HNRNPR: variants seen among roughly 807,000 people sequenced by gnomAD.
HNRNPR encodes heterogeneous nuclear ribonucleoprotein R.
In HNRNPR, 4 loss-of-function variants were observed where a neutral mutation model predicts 70.3. The observed-to-expected ratio is 0.06, with a 90% CI of 0.03 to 0.13. The LOEUF (loss-of-function observed/expected upper bound fraction) is 0.13. Ranked by LOEUF, HNRNPR falls within the 10% of genes least tolerant of loss-of-function variation. HNRNPR has a pLI of 1.00. For missense variants in HNRNPR, 423 were observed against 788.5 expected, an observed-to-expected ratio of 0.54 and a Z score of 5.55; for synonymous variants, 241 against 267.6, an observed-to-expected ratio of 0.90 and a Z score of 0.97.
rs1418406505 is a variant in HNRNPR at position 23,338,479 on chromosome 1, A to T, written c.276+11T>A. The T allele has an allele frequency of 3.7e-6, 4 of 1,092,832 alleles. No individual in the cohort carries two copies. In the South Asian group the frequency reaches 6.6e-5, roughly 18 times the overall value. The allele number at this position is 1,092,832 out of a possible 1,614,324, so 67.7% of individuals were successfully genotyped here. A position where few individuals can be genotyped will look rare whatever the true frequency, so the allele number is the denominator to read the frequency against. ...TAATTGTTCAAAGACATTTCTGAGT[A>T]ACGACCTTACCTGAACATGTGATAA... On this transcript the variant is annotated intron_variant, in intron 3 of 10. Coordinates refer to ENST00000302271, the MANE Select transcript of HNRNPR (RefSeq NM_005826.5).
At chr1:23,315,544 G>T (rs1645508360) in intron 8 of HNRNPR, among the ~76,000 whole-genome samples, 1 of 152,074 alleles carries the variant, frequency 6.6e-6, no homozygotes, top group African/African-American at 2.4e-5. Context: ...AAGAATTAAG[G>T]AAGTATATCC....
chr1:23,328,538 C>T (rs1197311818), intron 5 of HNRNPR, among the ~76,000 whole-genome samples: 1 of 152,122 alleles, frequency 6.6e-6, no homozygotes, highest in East Asian at 1.9e-4. Context: ...CTTGCTCTGT[C>T]GCCCAGGCCG....
intron 5 of HNRNPR, among the ~76,000 whole-genome samples, chr1:23,324,620 C>T (rs1205062684): frequency 6.6e-6 from 1 of 151,888 alleles, no homozygotes; most frequent in African/African-American, 2.4e-5. Context: ...TCAGAAACTC[C>T]AGTGCTTCAA....
chr1:23,333,745 G>A (rs1459632383), intron 4 of HNRNPR, 114 bp from the exon 5 acceptor site: 3 of 580,014 alleles, frequency 5.2e-6, no homozygotes, highest in Admixed American at 2.9e-5. Flanking sequence ...TATTTTTATG[G>A]TTAGGTAAAA....
rs662879 is a variant in HNRNPR, at chr1:23,310,507, T to G, written c.1849A>C (p.Asn617His). The G allele has an allele frequency of 6.2e-7, 1 of 1,613,544 alleles. No homozygotes were observed. The highest frequency in any genetic ancestry group is 8.5e-7 in the Non-Finnish European group (1 of 1,179,722). Residue 617 changes from asparagine (N) to histidine (H), a missense_variant, in exon 11 of 11, where the codon AAT becomes CAT. Coordinates refer to ENST00000302271, the MANE Select transcript of HNRNPR (RefSeq NM_005826.5). The surrounding 1 kb of genome is among the most constrained non-coding windows in gnomAD (Gnocchi z 6.0). ...GGDYSGNYGY[N>H]NDNQEFYQDT... ...TGATAAAATTCCTGGTTGTCATTATTGTAACCATAGTTACCAGAATAGTCA... is the reference window on the plus strand; with the variant it reads ...TGATAAAATTCCTGGTTGTCATTATGGTAACCATAGTTACCAGAATAGTCA...
rs1645843391 is a variant in HNRNPR at position 23,323,647 on chromosome 1, C to G, written c.584G>C (p.Arg195Pro). Reference sequence around the variant, plus strand: ...ACCGGACAGTGGATCCATCATAAGACGTAGATCCCAAATGGGTCCGGCCTT... The same window carrying G: ...ACCGGACAGTGGATCCATCATAAGAGGTAGATCCCAAATGGGTCCGGCCTT... ...FEKAGPIWDL[R>P]LMMDPLSGQN... The change falls in exon 6 of 11, where the codon CGT becomes CCT. Residue 195 changes from arginine to proline, a missense_variant. By Grantham distance (103) the Arg-to-Pro change is moderately radical. Coordinates refer to ENST00000302271, the MANE Select transcript of HNRNPR (RefSeq NM_005826.5). The G allele has an allele frequency of 6.2e-7, 1 of 1,613,864 alleles. No homozygotes were observed.
chr1:23,339,416 G>A (rs1258454509), intron 2 of HNRNPR, among the ~76,000 whole-genome samples: 1 of 152,112 alleles, frequency 6.6e-6, no homozygotes, highest in Non-Finnish European at 1.5e-5. Context: ...TATATACACT[G>A]CATTTCATAT....
At position 23,327,326 on chromosome 1, in the gene HNRNPR, T is replaced by C. The variant is rs543428176; in HGVS notation, c.499-3594A>G. On this transcript the variant is annotated intron_variant, in intron 5 of 10. Transcript: ENST00000302271. ...TATATTTTTCTAGATTCTAGAAATA[T>C]AGTGACTACCACAGACAAGGTCTAG... 9.2e-5 allele frequency among the ~76,000 whole-genome samples: 14 copies of C among 152,332 alleles called. No homozygotes were observed. The South Asian group carries it at 2.5e-3, about 27-fold the overall frequency.
In HNRNPR at chr1:23,327,519, C is replaced by T. The variant is rs2148413280; in HGVS notation, c.499-3787G>A. Among the ~76,000 whole-genome samples, 3 of 152,158 alleles carry T rather than the reference C, an allele frequency of 2.0e-5. No individual in the cohort carries two copies. The South Asian group carries it at 6.2e-4, about 32-fold the overall frequency. ...CCTGGCCAATATGGTGAAACCCTGT[C>T]TGTAACTAAAAATACAAAAAATTAG... On this transcript the variant is annotated intron_variant, in intron 5 of 10. Transcript: ENST00000302271.
chr1:23,318,108 T>A lies in HNRNPR; in HGVS notation c.1017+375A>T, dbSNP rs576037559. On this transcript the variant is annotated intron_variant, in intron 8 of 10. Coordinates refer to ENST00000302271, the MANE Select transcript of HNRNPR (RefSeq NM_005826.5). The surrounding 1 kb of genome is among the most constrained non-coding windows in gnomAD (Gnocchi z 4.2). The stretch of plus-strand genomic sequence containing the variant: ...GCCAAGTAATAAAGTCATAATATAG[T>A]CAATGAAGATTATAACTTATAATCT... 5.9e-5 allele frequency among the ~76,000 whole-genome samples: 9 copies of A among 151,394 alleles called. No individual in the cohort carries two copies. In the East Asian group the frequency reaches 1.5e-3, roughly 26 times the overall value.
chr1:23,328,348 CAG>C (rs1316996527), intron 5 of HNRNPR, among the ~76,000 whole-genome samples: 5 of 152,172 alleles, frequency 3.3e-5, no homozygotes, highest in African/African-American at 7.2e-5. Flanking sequence ...GTCAGGTGAA[CAG>C]GGCAATCTGG....
rs542953405 is a variant in HNRNPR, at chr1:23,324,959, T to C, written c.499-1227A>G. 9.9e-5 allele frequency among the ~76,000 whole-genome samples: 15 copies of C among 151,970 alleles called. No individual in the cohort carries two copies. In the East Asian group the frequency reaches 1.2e-3, roughly 12 times the overall value. ...ACCGAGACCATCCTGGCTAACATGG[T>C]GAAACCCTGTCTCTACTAAAAATAC... On this transcript the variant is annotated intron_variant, in intron 5 of 10. Transcript: ENST00000302271.
At chr1:23,314,614 G>A (rs1645460309) in intron 8 of HNRNPR, among the ~76,000 whole-genome samples, 1 of 152,164 alleles carries the variant, frequency 6.6e-6, no homozygotes, top group African/African-American at 2.4e-5. Context: ...TTCATAGTAA[G>A]AGAAGCAAAT....
rs1180507410 is a variant in HNRNPR, at chr1:23,308,692, T to C, written c.*1762A>G. The C allele has an allele frequency of 6.6e-6, 1 of 152,092 alleles. No homozygotes were observed. The highest frequency in any genetic ancestry group is 2.4e-5 in the African/African-American group (1 of 41,450). The allele number at this position is 152,092 out of a possible 1,614,324, so 9.4% of individuals were successfully genotyped here. A position where few individuals can be genotyped will look rare whatever the true frequency, so the allele number is the denominator to read the frequency against. Reference sequence around the variant, plus strand: ...GACTATACTGTGTAATGAGTGTACTTTGAAAAAGAAATGAAATATATTGAC... The same window carrying C: ...GACTATACTGTGTAATGAGTGTACTCTGAAAAAGAAATGAAATATATTGAC... On this transcript the variant is annotated 3_prime_UTR_variant, in exon 11 of 11. Transcript: ENST00000302271.
intron 5 of HNRNPR, among the ~76,000 whole-genome samples, chr1:23,328,407 G>A (rs1040154317): frequency 1.3e-5 from 2 of 152,222 alleles, no homozygotes; most frequent in East Asian, 1.9e-4. Flanking sequence ...TAGCTATGAA[G>A]GTGGTAAGAA....
At position 23,327,411 on chromosome 1, in the gene HNRNPR, T is replaced by C. The variant is rs138470065; in HGVS notation, c.499-3679A>G. ...AGACAAAAGTAAACAATATGGGTCA[T>C]GCGCAGTGGCTCATGTGTGCAATCC... On this transcript the variant is annotated intron_variant, in intron 5 of 10. Coordinates refer to ENST00000302271, the MANE Select transcript of HNRNPR (RefSeq NM_005826.5). 6.6e-4 allele frequency among the ~76,000 whole-genome samples: 101 copies of C among 152,298 alleles called. 1 individual carries two copies. The highest frequency in any genetic ancestry group is 3.1e-4 in the Non-Finnish European group (21 of 68,036).
chr1:23,338,649 AGGG>A, intron 2 of HNRNPR, 41 bp from the exon 3 acceptor site: 1 of 948,984 alleles, frequency 1.1e-6, no homozygotes, highest in South Asian at 1.5e-5. Context: ...TTGCAACAAA[AGGG>A]GTAATCTAAG....
chr1:23,331,834 TAAAAAAAAAAAAAAAAA>T (rs59006948), intron 5 of HNRNPR, among the ~76,000 whole-genome samples: 1 of 59,242 alleles, frequency 1.7e-5, no homozygotes, highest in Non-Finnish European at 3.4e-5. Flanking sequence ...ACTGTTTCTT[TAAAAAAAAAAAAAAAAA>T]AAAAAAAAAA....
chr1:23,337,954 T>G, intron 3 of HNRNPR, 93 bp from the exon 4 acceptor site: 1 of 799,828 alleles, frequency 1.3e-6, no homozygotes, highest in Middle Eastern at 2.4e-4. Flanking sequence ...AAACCAGGAT[T>G]TTAACAAAAG....
Sources: gnomAD v4.1 joint callset for allele counts (sites outside exome capture counted in the v4.1 genomes callset) on GRCh38, gnomAD v4.1.1 for gene constraint, Gnocchi (gnomAD v3.1) non-coding constraint, MANE v1.5 for transcripts, NCBI Gene and HGNC (gene_info 2026-07-23, HGNC 2026-07-21) for gene names.